The following ARID5B variants were observed in gnomAD, a reference collection of about 807,000 sequenced individuals.
ARID5B encodes the protein AT-rich interactive domain-containing protein 5B.
In ARID5B, 13 loss-of-function variants were observed where a neutral mutation model predicts 97.2. The ratio of observed to expected loss-of-function variants is 0.13; its 90% CI spans 0.09 to 0.21. The LOEUF (loss-of-function observed/expected upper bound fraction) is 0.21, where lower values mean the gene tolerates loss of function less well. ARID5B is among the 10% of genes least tolerant of loss of function. ARID5B has a pLI of 1.00. For missense variants in ARID5B, 1,210 were observed against 1,465.3 expected (o/e 0.83, Z 2.84); for synonymous variants, 556 against 570.3 (o/e 0.97, Z 0.36).
chr10:61,950,987 G>A (rs1224975982), intron 3 of ARID5B, among the ~76,000 whole-genome samples: 1 of 152,130 alleles, frequency 6.6e-6, no homozygotes, highest in Non-Finnish European at 1.5e-5. Flanking sequence ...TTAATACTCG[G>A]TGGTATTGAC....
intron 3 of ARID5B, among the ~76,000 whole-genome samples, chr10:61,942,947 G>A (rs1844438216): frequency 6.6e-6 from 1 of 152,140 alleles, no homozygotes; most frequent in South Asian, 2.1e-4. Context: ...CTCTCCTGGG[G>A]CACAAGAAAC....
intron 4 of ARID5B, among the ~76,000 whole-genome samples, chr10:62,001,945 C>A (rs865895876): frequency 6.6e-6 from 1 of 152,114 alleles, no homozygotes; most frequent in African/African-American, 2.4e-5. Context: ...CTTTTCAGAT[C>A]AGCATTTACA....
chr10:62,044,740 G>A (rs1839684491), intron 4 of ARID5B, among the ~76,000 whole-genome samples: 1 of 152,154 alleles, frequency 6.6e-6, no homozygotes, highest in South Asian at 2.1e-4. Context: ...GCCAAATAAT[G>A]AAACTTTTGC....
chr10:62,025,818 A>T (rs1021782276), intron 4 of ARID5B, among the ~76,000 whole-genome samples: 2 of 152,058 alleles, frequency 1.3e-5, no homozygotes, highest in African/African-American at 4.8e-5. Context: ...AGCGAAAAAA[A>T]AAAAAAAAAA....
Position 62,091,951 on chromosome 10 carries a change from G to A in ARID5B, c.2488G>A (p.Asp830Asn). ...TTCCCACATGCCTAGCTTCCTGGCT[G>A]ACTTCTACTCGTCCCCTCATCTCCA... The part of the protein sequence containing the change: ...PHSHMPSFLA[D>N]FYSSPHLHSL... Residue 830 changes from aspartate (D) to asparagine (N), a missense_variant, in exon 10 of 10, where the codon GAC (aspartate) becomes AAC (asparagine). This residue lies in a region of ARID5B where 800 missense variants were observed against 839.1 expected (regional missense o/e 0.95). Coordinates refer to ENST00000279873, the MANE Select transcript of ARID5B (RefSeq NM_032199.3). The A allele has an allele frequency of 4.3e-6, 7 of 1,613,408 alleles. No individual in the cohort carries two copies. Among genetic ancestry groups the A allele is most frequent in the Non-Finnish European group, 5.9e-6 (7 of 1,179,794 alleles).
intron 2 of ARID5B, among the ~76,000 whole-genome samples, chr10:61,937,446 T>G (rs757799481): frequency 2.4e-4 from 36 of 152,112 alleles, no homozygotes; most frequent in Middle Eastern, 3.2e-3. Context: ...TGGTAGAAAC[T>G]AAATCCAAAT....
At chr10:61,908,820 A>AG (rs1554836527) in intron 2 of ARID5B, among the ~76,000 whole-genome samples, 16 of 146,158 alleles carry the variant, frequency 1.1e-4, no homozygotes, top group Non-Finnish European at 1.8e-4. Context: ...AAAAAAAAAA[A>AG]AAGAAGAAGA....
intron 3 of ARID5B, among the ~76,000 whole-genome samples, chr10:61,972,995 G>T (rs1485402081): frequency 6.6e-6 from 1 of 152,146 alleles, no homozygotes; most frequent in Non-Finnish European, 1.5e-5. Context: ...TACTTTCTGT[G>T]CAGAACATGT....
intron 3 of ARID5B, among the ~76,000 whole-genome samples, chr10:61,958,559 A>G (rs890481958): frequency 1.3e-5 from 2 of 152,186 alleles, no homozygotes; most frequent in African/African-American, 4.8e-5. Flanking sequence ...AGTCTCATAC[A>G]CATGATTGTT....
rs1840432926 is a variant in ARID5B at position 62,094,269 on chromosome 10, A to G, written c.*1239A>G. 1 of 231,638 alleles carries G rather than the reference A, an allele frequency of 4.3e-6. No individual in the cohort carries two copies. The allele number at this position is 231,638 out of a possible 1,614,324, so 14.3% of individuals were successfully genotyped here. A position where few individuals can be genotyped will look rare whatever the true frequency, so the allele number is the denominator to read the frequency against. On this transcript the variant is annotated 3_prime_UTR_variant, in exon 10 of 10. Transcript: ENST00000279873. ...AGGATGGAGCTCAACTGGCCAGAAG[A>G]GGAGCAGCTGCAGTCCTGATAGCTT...
At chr10:62,071,313 C>T (rs996001345) in intron 8 of ARID5B, among the ~76,000 whole-genome samples, 6 of 152,076 alleles carry the variant, frequency 3.9e-5, no homozygotes, top group East Asian at 1.9e-4. Context: ...GGATTACAGG[C>T]GTGAGCCACC....
chr10:62,087,851 G>A (rs1002334854), intron 9 of ARID5B, among the ~76,000 whole-genome samples: 5 of 151,386 alleles, frequency 3.3e-5, no homozygotes, highest in Admixed American at 2.7e-4. Context: ...AGGGGGAGGA[G>A]GAAGAAGATG....
intron 4 of ARID5B, among the ~76,000 whole-genome samples, chr10:62,040,988 C>T (rs1184563320): frequency 6.6e-6 from 1 of 152,196 alleles, no homozygotes; most frequent in African/African-American, 2.4e-5. Flanking sequence ...CTGATGGTAT[C>T]TGTGTGCTGT....
intron 3 of ARID5B, 128 bp downstream of exon 3, chr10:61,940,536 C>G: frequency 3.7e-6 from 3 of 821,440 alleles, no homozygotes; most frequent in Middle Eastern, 6.9e-4. Flanking sequence ...CTCAAAGGGT[C>G]CTAAGAATAT....
Position 62,091,883 on chromosome 10 carries a change from A to T in ARID5B, c.2420A>T (p.Gln807Leu). ...TCCTACGTCCTGAAGCAAGAAATTC[A>T]GGAGGGCAAGGATAAACTCTTAGAG... ...ADSYVLKQEI[Q>L]EGKDKLLEKR... Residue 807 changes from glutamine to leucine, a missense_variant, in exon 10 of 10, where the codon CAG becomes CTG. Coordinates refer to ENST00000279873, the MANE Select transcript of ARID5B (RefSeq NM_032199.3). 6.2e-7 allele frequency: 1 copy of T among 1,614,088 alleles called. No homozygotes were observed.
intron 2 of ARID5B, among the ~76,000 whole-genome samples, chr10:61,935,946 G>A (rs192492238): frequency 8.8e-4 from 134 of 152,180 alleles, no homozygotes; most frequent in Non-Finnish European, 1.6e-3. Flanking sequence ...ATGTCACATC[G>A]TTTCTGGAAA....
At chr10:61,916,555 G>A (rs1034496599) in intron 2 of ARID5B, among the ~76,000 whole-genome samples, 4 of 152,098 alleles carry the variant, frequency 2.6e-5, no homozygotes, top group Admixed American at 2.0e-4. Context: ...GTAGATTCTA[G>A]TATCATCTCC....
At chr10:61,924,784 T>G (rs1844073382) in intron 2 of ARID5B, among the ~76,000 whole-genome samples, 1 of 152,182 alleles carries the variant, frequency 6.6e-6, no homozygotes, top group Non-Finnish European at 1.5e-5. Flanking sequence ...AGATGACCAG[T>G]AAGCTTTAAT....
intron 3 of ARID5B, among the ~76,000 whole-genome samples, chr10:61,947,967 T>C (rs1250767611): frequency 1.3e-5 from 2 of 152,256 alleles, no homozygotes; most frequent in African/African-American, 4.8e-5. Context: ...GAAAGCTTCT[T>C]AGAATTCCAG....
Sources: allele counts gnomAD v4.1 joint callset (sites outside exome capture counted in the v4.1 genomes callset), GRCh38; gene constraint gnomAD v4.1.1; regional missense constraint gnomAD v4.1.1; transcripts MANE v1.5; gene names NCBI Gene and HGNC (gene_info 2026-07-23, HGNC 2026-07-21).